MDH1: variants seen among roughly 807,000 people sequenced by gnomAD.
The protein encoded by MDH1 is malate dehydrogenase, cytoplasmic.
MDH1 carries 15 observed loss-of-function variants against 38.7 expected under a neutral mutation model. That is an observed-to-expected ratio of 0.39 (90% CI 0.26 to 0.60). The LOEUF (loss-of-function observed/expected upper bound fraction) is 0.60, where lower values mean the gene tolerates loss of function less well. Among genes scored for constraint, MDH1 ranks in the 20% least tolerant of loss-of-function variants. The pLI is 0.56. For missense variants in MDH1, 368 were observed against 405.2 expected, an observed-to-expected ratio of 0.91 and a Z score of 0.79; for synonymous variants, 144 against 143.6, an observed-to-expected ratio of 1.00 and a Z score of -0.02.
At chr2:63,605,635 A>C (rs1312092264) in intron 7 of MDH1, among the ~76,000 whole-genome samples, 1 of 152,162 alleles carries the variant, frequency 6.6e-6, no homozygotes, top group African/African-American at 2.4e-5. Flanking sequence ...GCACATGGAA[A>C]ACACCTGGCA....
intron 5 of MDH1, chr2:63,600,058 T>C (rs1709390975): frequency 6.6e-6 from 1 of 152,226 alleles, no homozygotes; most frequent in South Asian, 2.1e-4. Context: ...CACTGCTAGA[T>C]AGGTCTATGA....
chr2:63,595,319 G>A, intron 2 of MDH1, 104 bp from the exon 3 acceptor site: 2 of 750,124 alleles, frequency 2.7e-6, no homozygotes, highest in Non-Finnish European at 4.9e-6. Context: ...TAATTAATGG[G>A]AATTACATGC....
intron 5 of MDH1, among the ~76,000 whole-genome samples, chr2:63,602,535 T>C (rs1299854507): frequency 6.6e-6 from 1 of 152,144 alleles, no homozygotes; most frequent in Non-Finnish European, 1.5e-5. Flanking sequence ...TACTGAAGTT[T>C]CACCAGTTTT....
chr2:63,605,545 C>A, intron 7 of MDH1, 152 bp downstream of exon 7: 1 of 639,966 alleles, frequency 1.6e-6, no homozygotes, highest in Non-Finnish European at 2.8e-6. Flanking sequence ...GGTTTGTTAG[C>A]CTTGACCTTT....
intron 3 of MDH1, among the ~76,000 whole-genome samples, 194 bp downstream of exon 3, chr2:63,595,713 C>T (rs1356044375): frequency 6.6e-6 from 1 of 152,088 alleles, no homozygotes; most frequent in Non-Finnish European, 1.5e-5. Flanking sequence ...CAATCAATGT[C>T]AGGTAAAGGA....
At chr2:63,592,778 A>G (rs1709224921) in intron 1 of MDH1, among the ~76,000 whole-genome samples, 1 of 152,216 alleles carries the variant, frequency 6.6e-6, no homozygotes, top group Non-Finnish European at 1.5e-5. Flanking sequence ...CTTCAAGCAA[A>G]TACCAGAGTT....
intron 3 of MDH1, 32 bp downstream of exon 3, chr2:63,595,551 G>A: frequency 7.6e-7 from 1 of 1,323,346 alleles, no homozygotes; most frequent in Non-Finnish European, 1.1e-6. Context: ...GGATTTTATG[G>A]TATTTGATTT....
At chr2:63,595,018 C>A (rs1005150647) in intron 2 of MDH1, 1 of 276,086 alleles carries the variant, frequency 3.6e-6, no homozygotes, top group Non-Finnish European at 6.9e-6. Flanking sequence ...AAATCCTTTT[C>A]TAAGGTATTC....
At position 63,607,037 on chromosome 2, in the gene MDH1, G is replaced by C; in HGVS notation, c.*50G>C. On this transcript the variant is annotated 3_prime_UTR_variant, in exon 9 of 9. Coordinates refer to ENST00000233114, the MANE Select transcript of MDH1 (RefSeq NM_005917.4). ...TTCAAAGCTGAAGAATCTAAATGTCGTCTTTGACTCAAGTACCAAATAATA... is the reference window on the plus strand; with the variant it reads ...TTCAAAGCTGAAGAATCTAAATGTCCTCTTTGACTCAAGTACCAAATAATA... The C allele has an allele frequency of 6.5e-7, 1 of 1,544,986 alleles. No individual in the cohort carries two copies. Among genetic ancestry groups the C allele is most frequent in the Non-Finnish European group, 8.8e-7 (1 of 1,142,220 alleles).
rs1428076642 is a variant in MDH1, at chr2:63,595,519, G to A, written c.199G>A (p.Asp67Asn). 1 of 1,585,758 alleles carries A rather than the reference G, an allele frequency of 6.3e-7. No individual in the cohort carries two copies. The highest frequency in any genetic ancestry group is 1.3e-5 in the African/African-American group (1 of 74,300). ...LQDCALPLLK[D>N]VIATDKEDVA... ...AGACTGTGCCCTTCCCCTCCTGAAAGGTGGGTTGGGGAGTAGAGAAGGGAT... is the reference window on the plus strand; with the variant it reads ...AGACTGTGCCCTTCCCCTCCTGAAAAGTGGGTTGGGGAGTAGAGAAGGGAT... The change falls in exon 3 of 9, where the codon GAT becomes AAT. Residue 67 changes from aspartate (D) to asparagine (N), a missense_variant and splice_region_variant. Coordinates refer to ENST00000233114, the MANE Select transcript of MDH1 (RefSeq NM_005917.4).
intron 1 of MDH1, among the ~76,000 whole-genome samples, chr2:63,589,766 T>C (rs1402359816): frequency 6.6e-6 from 1 of 152,320 alleles, no homozygotes; most frequent in East Asian, 1.9e-4. Flanking sequence ...CTCCATCGCT[T>C]GTCTCTGCTG....
intron 7 of MDH1, 25 bp from the exon 8 acceptor site, chr2:63,605,914 G>A (rs749201731): frequency 1.3e-6 from 2 of 1,574,628 alleles, no homozygotes; most frequent in Non-Finnish European, 1.7e-6. Context: ...ATCATCATGA[G>A]TATGTGAAAC....
intron 5 of MDH1, among the ~76,000 whole-genome samples, chr2:63,602,162 A>C: frequency 6.6e-6 from 1 of 152,226 alleles, no homozygotes; most frequent in South Asian, 2.1e-4. Context: ...ATTTTTAAGT[A>C]AACTTTTAAC....
At chr2:63,599,025 A>G (rs1291339153) in intron 4 of MDH1, 145 bp from the exon 5 acceptor site, 2 of 564,470 alleles carry the variant, frequency 3.5e-6, no homozygotes, top group Non-Finnish European at 5.6e-6. Context: ...CTTAAAATGC[A>G]TTTTCCTATG....
At chr2:63,602,462 A>G (rs1309998893) in intron 5 of MDH1, among the ~76,000 whole-genome samples, 1 of 151,764 alleles carries the variant, frequency 6.6e-6, no homozygotes, top group Non-Finnish European at 1.5e-5. Flanking sequence ...GGTACCTTAC[A>G]TAACTACAGA....
At chr2:63,595,711 G>T (rs1442713110) in intron 3 of MDH1, among the ~76,000 whole-genome samples, 192 bp downstream of exon 3, 1 of 152,188 alleles carries the variant, frequency 6.6e-6, no homozygotes, top group Non-Finnish European at 1.5e-5. Flanking sequence ...AACAATCAAT[G>T]TCAGGTAAAG....
At chr2:63,589,799 T>C (rs1420753413) in intron 1 of MDH1, among the ~76,000 whole-genome samples, 2 of 150,962 alleles carry the variant, frequency 1.3e-5, no homozygotes, top group African/African-American at 4.9e-5. Flanking sequence ...AGGGGGAGAG[T>C]TGGTGAAGGA....
chr2:63,601,370 T>C (rs776888522), intron 5 of MDH1, among the ~76,000 whole-genome samples: 2 of 152,234 alleles, frequency 1.3e-5, no homozygotes, highest in Non-Finnish European at 2.9e-5. Context: ...CTTGCCTGTG[T>C]ATTTGCAAAC....
At chr2:63,602,934 CTTTTTTTTTTTTTTTTTTTT>C (rs370479356) in intron 5 of MDH1, among the ~76,000 whole-genome samples, 41 of 131,580 alleles carry the variant, frequency 3.1e-4, no homozygotes, top group East Asian at 2.7e-3. Context: ...TTTAACCGTT[CTTTTTTTTTTTTTTTTTTTT>C]TTTTTTTTTT....
Sources: gnomAD v4.1 joint callset for allele counts (sites outside exome capture counted in the v4.1 genomes callset) on GRCh38, gnomAD v4.1.1 for gene constraint, MANE v1.5 for transcripts, NCBI Gene and HGNC (gene_info 2026-07-23, HGNC 2026-07-21) for gene names.